Variants in TOX2 observed in about 807,000 individuals in gnomAD.
The protein encoded by TOX2 is granulosa cell HMG box 1.
A neutral mutation model predicts 47.4 loss-of-function variants in TOX2; 15 were observed. The observed-to-expected ratio is 0.32, with a 90% confidence interval of 0.21 to 0.49. The LOEUF is 0.49. TOX2 is among the 20% of genes least tolerant of loss of function. The probability of loss-of-function intolerance (pLI) is 0.99; values close to 1 mark genes in which losing one functional copy is unlikely to be tolerated. For synonymous variants in TOX2, 290 were observed against 296.6 expected (o/e 0.98, Z 0.23); for missense variants, 622 against 673.1 (o/e 0.92, Z 0.84).
At chr20:43,962,521 A>C (rs1054090840) in intron 1 of TOX2, among the ~76,000 whole-genome samples, 2 of 152,242 alleles carry the variant, frequency 1.3e-5, no homozygotes, top group Non-Finnish European at 1.5e-5. Flanking sequence ...TTCAGGGCAG[A>C]GCCCTAGACT....
At chr20:44,068,389 C>A (rs1569156963) in intron 8 of TOX2, among the ~76,000 whole-genome samples, 1 of 151,916 alleles carries the variant, frequency 6.6e-6, no homozygotes, top group African/African-American at 2.4e-5. Flanking sequence ...GCGTGCGCCT[C>A]GATGAAAGAC....
At chr20:44,000,323 G>A (rs2070553523) in intron 2 of TOX2, among the ~76,000 whole-genome samples, 1 of 152,196 alleles carries the variant, frequency 6.6e-6, no homozygotes, top group Non-Finnish European at 1.5e-5. Context: ...AGGGCAAAGA[G>A]GGTGATGGCT....
chr20:44,015,990 A>G (rs1157723349), intron 3 of TOX2, among the ~76,000 whole-genome samples: 2 of 152,134 alleles, frequency 1.3e-5, no homozygotes, highest in Non-Finnish European at 2.9e-5. Context: ...TTGACGAGAT[A>G]AGATTCATGG....
At chr20:43,957,920 A>G (rs1164658096) in intron 1 of TOX2, among the ~76,000 whole-genome samples, 1 of 152,180 alleles carries the variant, frequency 6.6e-6, no homozygotes, top group Non-Finnish European at 1.5e-5. Flanking sequence ...ATGAGAACTC[A>G]CTATCACGAG....
intron 3 of TOX2, chr20:44,038,935 G>T: frequency 8.5e-7 from 1 of 1,182,032 alleles, no homozygotes; most frequent in Non-Finnish European, 1.1e-6. Flanking sequence ...CAGCCGCCTC[G>T]TTCCTGCTGC....
chr20:44,038,923 C>T (rs1336484591), intron 3 of TOX2: 2 of 1,181,228 alleles, frequency 1.7e-6, no homozygotes, highest in Non-Finnish European at 2.1e-6. Context: ...TAATTACATT[C>T]ACAGCCGCCT....
chr20:44,063,799 CACACAA>C (rs1306619530), intron 5 of TOX2, among the ~76,000 whole-genome samples: 2 of 144,418 alleles, frequency 1.4e-5, no homozygotes, highest in African/African-American at 5.1e-5. Context: ...CACACACACA[CACACAA>C]ACACCATGAA....
intron 1 of TOX2, among the ~76,000 whole-genome samples, chr20:43,925,705 C>T (rs1158699194): frequency 6.6e-6 from 1 of 152,218 alleles, no homozygotes; most frequent in East Asian, 1.9e-4. Flanking sequence ...CGCTGTCAGT[C>T]TGTTTCTTTG....
chr20:43,959,216 G>C (rs918323466), intron 1 of TOX2, among the ~76,000 whole-genome samples: 2 of 152,226 alleles, frequency 1.3e-5, no homozygotes, highest in African/African-American at 4.8e-5. Flanking sequence ...GAGGACGAGA[G>C]GGGTAAGATC....
At chr20:43,961,335 C>T (rs1054037846) in intron 1 of TOX2, among the ~76,000 whole-genome samples, 19 of 151,924 alleles carry the variant, frequency 1.3e-4, no homozygotes, top group African/African-American at 3.6e-4. Context: ...AGGGGATGGG[C>T]GCGTGATGGG....
chr20:43,992,005 A>G (rs938787387), intron 2 of TOX2, among the ~76,000 whole-genome samples: 3 of 152,186 alleles, frequency 2.0e-5, no homozygotes, highest in Admixed American at 6.5e-5. Flanking sequence ...GAAACTGAGC[A>G]GGTAGGGGAG....
intron 5 of TOX2, among the ~76,000 whole-genome samples, chr20:44,063,281 A>T (rs1450808013): frequency 6.6e-6 from 1 of 152,226 alleles, no homozygotes; most frequent in Non-Finnish European, 1.5e-5. Flanking sequence ...AACTCAAATC[A>T]GCAAGAAAAA....
intron 1 of TOX2, among the ~76,000 whole-genome samples, chr20:43,956,958 C>T (rs6031261): frequency 7.9e-5 from 12 of 152,012 alleles, no homozygotes; most frequent in Admixed American, 7.2e-4. Context: ...CCATTTCTAC[C>T]TTGTATATAT....
intron 3 of TOX2, among the ~76,000 whole-genome samples, chr20:44,031,448 G>C (rs189253058): frequency 6.6e-6 from 1 of 152,282 alleles, no homozygotes; most frequent in Admixed American, 6.5e-5. Flanking sequence ...GGTGCGATTA[G>C]CTCATTCCAT....
chr20:43,972,910 G>A (rs1178057373), intron 1 of TOX2, among the ~76,000 whole-genome samples: 3 of 152,362 alleles, frequency 2.0e-5, no homozygotes, highest in East Asian at 3.9e-4. Flanking sequence ...GGCAGGACCC[G>A]GAGGGCATGT....
In TOX2 at chr20:43,915,640, C is replaced by T. The variant is rs1220512021; in HGVS notation, c.99+650C>T. On this transcript the variant is annotated intron_variant, in intron 1 of 8. Transcript: ENST00000341197. The surrounding 1 kb of genome is among the most constrained non-coding windows in gnomAD (Gnocchi z 7.1). Reference sequence around the variant, plus strand: ...GTCACACCCAGGGACGGCCACACCTCGGTCATCCACACTCGCGCGTCGAGG... The same window carrying T: ...GTCACACCCAGGGACGGCCACACCTTGGTCATCCACACTCGCGCGTCGAGG... Among the ~76,000 whole-genome samples the T allele has an allele frequency of 6.6e-6, 1 of 152,242 alleles. No individual in the cohort carries two copies. Among genetic ancestry groups the T allele is most frequent in the Admixed American group, 6.5e-5 (1 of 15,282 alleles).
At chr20:43,965,890 G>T (rs937350997) in intron 1 of TOX2, among the ~76,000 whole-genome samples, 1 of 152,188 alleles carries the variant, frequency 6.6e-6, no homozygotes, top group Non-Finnish European at 1.5e-5. Flanking sequence ...CGTAGGGGAG[G>T]TTGGGAGAAT....
At chr20:44,045,871 G>A (rs2071402328) in intron 3 of TOX2, among the ~76,000 whole-genome samples, 1 of 152,192 alleles carries the variant, frequency 6.6e-6, no homozygotes, top group Non-Finnish European at 1.5e-5. Context: ...AAGAAAACAA[G>A]CCCTAATACA....
intron 2 of TOX2, among the ~76,000 whole-genome samples, chr20:43,986,256 A>AATGAATGTATGTATGT (rs140249301): frequency 1.4e-4 from 21 of 149,780 alleles, no homozygotes; most frequent in African/African-American, 5.0e-4. Flanking sequence ...AGCCTTTTAA[A>AATGAATGTATGTATGT]ATGTATGTAT....
Sources: gnomAD v4.1 joint callset for allele counts (sites outside exome capture counted in the v4.1 genomes callset) on GRCh38, gnomAD v4.1.1 for gene constraint, Gnocchi (gnomAD v3.1) non-coding constraint, MANE v1.5 for transcripts, NCBI Gene and HGNC (gene_info 2026-07-23, HGNC 2026-07-21) for gene names.